Variants in SEC22C observed in about 807,000 individuals in gnomAD.
SEC22C encodes the protein SEC22 homolog C, vesicle trafficking protein, also known as vesicle-trafficking protein SEC22c.
SEC22C carries 29 observed loss-of-function variants against 34.7 expected under a neutral mutation model. The observed-to-expected ratio is 0.84, with a 90% CI of 0.62 to 1.14. The LOEUF is 1.14. SEC22C is among the 50% of genes most tolerant of loss of function. SEC22C has a pLI of 0.00. For missense variants in SEC22C, 337 were observed against 369.0 expected (o/e 0.91, Z 0.71); for synonymous variants, 117 against 132.8 (o/e 0.88, Z 0.82).
intron 1 of SEC22C, chr3:42,591,078 T>A: frequency 8.1e-7 from 1 of 1,236,398 alleles, no homozygotes; most frequent in Non-Finnish European, 1.1e-6. Flanking sequence ...CTGTGAAGGG[T>A]GCTGAGCAGC....
intron 1 of SEC22C, among the ~76,000 whole-genome samples, chr3:42,570,305 T>G (rs1703539595): frequency 1.3e-5 from 2 of 152,222 alleles, no homozygotes; most frequent in Admixed American, 6.5e-5. Context: ...CTTCTCAGAC[T>G]TGTCCAGCTA....
intron 1 of SEC22C, chr3:42,600,933 C>G: frequency 8.4e-7 from 1 of 1,183,608 alleles, no homozygotes; most frequent in Non-Finnish European, 1.1e-6. Flanking sequence ...CCCCTGCCCT[C>G]GCCCCCGCCC....
Position 42,552,891 on chromosome 3 carries a change from T to C in SEC22C, c.*357A>G. 2 of 1,054,080 alleles carry C rather than the reference T, an allele frequency of 1.9e-6. No individual in the cohort carries two copies. The highest frequency in any genetic ancestry group is 2.3e-6 in the Non-Finnish European group (2 of 873,248). The allele number at this position is 1,054,080 out of a possible 1,614,324, so 65.3% of individuals were successfully genotyped here. On this transcript the variant is annotated 3_prime_UTR_variant, in exon 7 of 7. Coordinates refer to ENST00000264454, the MANE Select transcript of SEC22C (RefSeq NM_032970.4). ...TTCCTTGGAGACAACTCTCAATGAC[T>C]AAAACCAGTGTTATTGAATCAAGTG... is the stretch of plus-strand genomic sequence containing the variant.
chr3:42,591,585 G>C (rs868283871), intron 1 of SEC22C: 3 of 1,613,426 alleles, frequency 1.9e-6, no homozygotes, highest in South Asian at 1.1e-5. Flanking sequence ...CAAGGGCCGC[G>C]GGAACGAGTG....
chr3:42,590,716 C>T, intron 1 of SEC22C: 3 of 680,996 alleles, frequency 4.4e-6, no homozygotes, highest in Non-Finnish European at 7.7e-6. Context: ...AAAACGCCCC[C>T]GGCGTTCTGG....
At chr3:42,566,201 G>C (rs1703226284) in intron 2 of SEC22C, among the ~76,000 whole-genome samples, 1 of 152,142 alleles carries the variant, frequency 6.6e-6, no homozygotes, top group African/African-American at 2.4e-5. Context: ...TAAACATCCA[G>C]AGCCCACATC....
chr3:42,555,198 T>A (rs1310909862), intron 6 of SEC22C, among the ~76,000 whole-genome samples: 1 of 151,816 alleles, frequency 6.6e-6, no homozygotes, highest in East Asian at 1.9e-4. Context: ...ACAAAAAAAA[T>A]TAGCCAGGTG....
upstream of SEC22C, chr3:42,582,036 A>G (rs1026021808): frequency 6.6e-6 from 1 of 152,206 alleles, no homozygotes; most frequent in African/African-American, 2.4e-5. Context: ...GCTAAGCGAC[A>G]CCCGCACCCA....
At chr3:42,592,452 G>A (rs572739145) in intron 1 of SEC22C, among the ~76,000 whole-genome samples, 2 of 152,050 alleles carry the variant, frequency 1.3e-5, no homozygotes, top group Non-Finnish European at 2.9e-5. Context: ...CACCCACCTC[G>A]ACCTCCCAAA....
In SEC22C at chr3:42,551,660, G is replaced by C. The variant is rs1292797438; in HGVS notation, c.*1588C>G. 8.3e-6 allele frequency: 8 copies of C among 958,088 alleles called. No homozygotes were observed. The highest frequency in any genetic ancestry group is 6.2e-5 in the Admixed American group (1 of 16,218). 59.3% of individuals were successfully genotyped at this position (958,088 alleles called of 1,614,324 possible). A position where few individuals can be genotyped will look rare whatever the true frequency, so the allele number is the denominator to read the frequency against. ...GCCCATATCCAAATATTTTATGTTT[G>C]GTCAAAAATAGAAAATTCTATTATA... On this transcript the variant is annotated 3_prime_UTR_variant, in exon 7 of 7. Coordinates refer to ENST00000264454, the MANE Select transcript of SEC22C (RefSeq NM_032970.4).
intron 1 of SEC22C, among the ~76,000 whole-genome samples, chr3:42,597,072 T>A (rs2125743862): frequency 6.6e-6 from 1 of 152,294 alleles, no homozygotes; most frequent in South Asian, 2.1e-4. Flanking sequence ...GCATGTACAT[T>A]TCATACTGTT....
chr3:42,551,263 T>A lies in SEC22C; in HGVS notation c.*1985A>T. 3.0e-6 allele frequency: 3 copies of A among 985,450 alleles called. No individual in the cohort carries two copies. Among genetic ancestry groups the A allele is most frequent in the Non-Finnish European group, 3.6e-6 (3 of 829,930 alleles). The allele number at this position is 985,450 out of a possible 1,614,324, so 61.0% of individuals were successfully genotyped here. ...AAACTGAAAATTCACCTGCTGGGTATGCAGAAAATTATGCAGATGTGAAAT... is the reference window on the plus strand; with the variant it reads ...AAACTGAAAATTCACCTGCTGGGTAAGCAGAAAATTATGCAGATGTGAAAT... On this transcript the variant is annotated 3_prime_UTR_variant, in exon 7 of 7. Coordinates refer to ENST00000264454, the MANE Select transcript of SEC22C (RefSeq NM_032970.4).
intron 4 of SEC22C, among the ~76,000 whole-genome samples, chr3:42,560,460 G>A (rs1315286702): frequency 1.3e-5 from 2 of 150,574 alleles, no homozygotes; most frequent in Non-Finnish European, 3.0e-5. Flanking sequence ...GATGGCTTGA[G>A]CCCAGGAGTT....
chr3:42,569,109 A>C, intron 1 of SEC22C, 36 bp from the exon 2 acceptor site: 202 of 1,408,514 alleles, frequency 1.4e-4, no homozygotes, highest in Middle Eastern at 1.9e-4. Context: ...ACTGAGGCTC[A>C]AATGACAGTG....
rs750021269 is a variant in SEC22C at position 42,591,597 on chromosome 3, G to A, written c.-28+9363C>T. ...GAACAAGGGCCGCGGGAACGAGTGC[G>A]TGCAGTAAGTACCCCCACCCCCGCG... On this transcript the variant is annotated intron_variant, in intron 1 of 6. Coordinates refer to the SEC22C transcript ENST00000417572. The A allele has an allele frequency of 1.2e-4, 189 of 1,611,036 alleles. No homozygotes were observed. The highest frequency in any genetic ancestry group is 1.5e-4 in the Non-Finnish European group (181 of 1,177,334).
At position 42,551,661 on chromosome 3, in the gene SEC22C, G is replaced by A. The variant is rs1476835248; in HGVS notation, c.*1587C>T. 2 of 958,690 alleles carry A rather than the reference G, an allele frequency of 2.1e-6. No homozygotes were observed. The highest frequency in any genetic ancestry group is 2.5e-6 in the Non-Finnish European group (2 of 805,782). 59.4% of individuals were successfully genotyped at this position (958,690 alleles called of 1,614,324 possible). ...CCCATATCCAAATATTTTATGTTTG[G>A]TCAAAAATAGAAAATTCTATTATAA... On this transcript the variant is annotated 3_prime_UTR_variant, in exon 7 of 7. Transcript: ENST00000264454.
At chr3:42,561,366 A>T in intron 3 of SEC22C, 70 bp from the exon 4 acceptor site, 1 of 1,487,208 alleles carries the variant, frequency 6.7e-7, no homozygotes, top group Non-Finnish European at 9.3e-7. Context: ...TACGTACAAA[A>T]TGAAGTTCAC....
chr3:42,549,633 C>T lies in SEC22C; in HGVS notation c.*3615G>A. Reference sequence around the variant, plus strand: ...TGAACCTCAATGCAATCTGCTCCCACTCTGAAGCTCGTCTACCCACCCCAT... The same window carrying T: ...TGAACCTCAATGCAATCTGCTCCCATTCTGAAGCTCGTCTACCCACCCCAT... On this transcript the variant is annotated 3_prime_UTR_variant, in exon 7 of 7. Transcript: ENST00000264454. 1.0e-6 allele frequency: 1 copy of T among 985,454 alleles called. No individual in the cohort carries two copies. The allele number at this position is 985,454 out of a possible 1,614,324, so 61.0% of individuals were successfully genotyped here.
rs191720243 is a variant in SEC22C at position 42,568,950 on chromosome 3, A to G, written c.97T>C (p.Trp33Arg). 33 of 1,614,206 alleles carry G rather than the reference A, an allele frequency of 2.0e-5. No homozygotes were observed. Among genetic ancestry groups the G allele is most frequent in the Non-Finnish European group, 2.6e-5 (31 of 1,180,030 alleles). ...DFYHTQDFLE[W>R]RRRLKSLALR... ...GCTAAACTCTTGAGCCGTCTCCTCCATTCCAAAAAATCTTGGGTGTGGTAA... is the reference window on the plus strand; with the variant it reads ...GCTAAACTCTTGAGCCGTCTCCTCCGTTCCAAAAAATCTTGGGTGTGGTAA... Residue 33 changes from tryptophan (W) to arginine (R), a missense_variant, in exon 2 of 7, where the codon TGG becomes CGG. Physicochemically the swap from Trp to Arg is moderately radical, Grantham distance 101. Transcript: ENST00000264454.
Sources: allele counts gnomAD v4.1 joint callset (sites outside exome capture counted in the v4.1 genomes callset), GRCh38; gene constraint gnomAD v4.1.1; transcripts MANE v1.5; gene names NCBI Gene and HGNC (gene_info 2026-07-23, HGNC 2026-07-21).